GALNT18: variants seen among roughly 807,000 people sequenced by gnomAD.
The protein encoded by GALNT18 is polypeptide N-acetylgalactosaminyltransferase 18, also known as GalNAc-transferase 18.
A neutral mutation model predicts 69.5 loss-of-function variants in GALNT18; 44 were observed. The observed-to-expected ratio is 0.63, with a 90% confidence interval of 0.50 to 0.81. The LOEUF (loss-of-function observed/expected upper bound fraction) is 0.81, where lower values mean the gene tolerates loss of function less well. Among genes scored for constraint, GALNT18 ranks in the 40% least tolerant of loss-of-function variants. GALNT18 has a pLI of 0.00. For missense variants in GALNT18, 715 were observed against 810.0 expected (o/e 0.88, Z 1.42); for synonymous variants, 364 against 318.2 (o/e 1.14, Z -1.53).
chr11:11,377,538 T>C lies in GALNT18; in HGVS notation c.780-159A>G, dbSNP rs749976896. Among the ~76,000 whole-genome samples, 1 of 152,076 alleles carries C rather than the reference T, an allele frequency of 6.6e-6. No individual in the cohort carries two copies. Among genetic ancestry groups the C allele is most frequent in the Non-Finnish European group, 1.5e-5 (1 of 68,010 alleles). ...ACTGCCTTCTGGGAAGGAGCTCCTA[T>C]TCAACTTCCCGCTCCCTGAGGATTG... is the stretch of plus-strand genomic sequence containing the variant. On this transcript the variant is annotated intron_variant, in intron 4 of 10. Coordinates refer to ENST00000227756, the MANE Select transcript of GALNT18 (RefSeq NM_198516.3). The surrounding 1 kb of genome is among the most constrained non-coding windows in gnomAD (Gnocchi z 4.6).
At chr11:11,556,829 T>C (rs1443659301) in intron 1 of GALNT18, among the ~76,000 whole-genome samples, 1 of 152,272 alleles carries the variant, frequency 6.6e-6, no homozygotes, top group African/African-American at 2.4e-5. Flanking sequence ...AGTTCAAATG[T>C]TATGCTCAGT....
At position 11,347,765 on chromosome 11, in the gene GALNT18, T is replaced by C. The variant is rs1367868386; in HGVS notation, c.1093-6761A>G. 1.3e-5 allele frequency among the ~76,000 whole-genome samples: 2 copies of C among 152,198 alleles called. No homozygotes were observed. The highest frequency in any genetic ancestry group is 1.9e-4 in the East Asian group (1 of 5,200). On this transcript the variant is annotated intron_variant, in intron 6 of 10. Coordinates refer to ENST00000227756, the MANE Select transcript of GALNT18 (RefSeq NM_198516.3). The surrounding 1 kb of genome is among the most constrained non-coding windows in gnomAD (Gnocchi z 4.0). Reference sequence around the variant, plus strand: ...CTAATGACTTGTACGACTCATGTGGTCCTTATTTCTTGGCTCATGTGGTTA... The same window carrying C: ...CTAATGACTTGTACGACTCATGTGGCCCTTATTTCTTGGCTCATGTGGTTA...
intron 3 of GALNT18, among the ~76,000 whole-genome samples, chr11:11,424,289 A>G (rs1855078251): frequency 6.6e-6 from 1 of 152,162 alleles, no homozygotes; most frequent in Non-Finnish European, 1.5e-5. Flanking sequence ...GGAGAGAACC[A>G]GAGAGGAGGT....
chr11:11,549,602 C>T (rs969883787), intron 1 of GALNT18, among the ~76,000 whole-genome samples: 1 of 152,230 alleles, frequency 6.6e-6, no homozygotes, highest in Non-Finnish European at 1.5e-5. Flanking sequence ...TCTGGCCTGA[C>T]CTTCCAGTCT....
intron 8 of GALNT18, among the ~76,000 whole-genome samples, chr11:11,331,458 G>C (rs990485201): frequency 4.6e-5 from 7 of 152,194 alleles, no homozygotes; most frequent in Non-Finnish European, 8.8e-5. Flanking sequence ...AGGGAGCACT[G>C]AGCCCAATTT....
At chr11:11,518,975 T>C (rs1327427877) in intron 1 of GALNT18, among the ~76,000 whole-genome samples, 2 of 152,192 alleles carry the variant, frequency 1.3e-5, no homozygotes, top group Non-Finnish European at 1.5e-5. Flanking sequence ...TAAAAGATCA[T>C]GCCAGCCTCC....
chr11:11,460,015 T>C (rs1856006183), intron 1 of GALNT18, among the ~76,000 whole-genome samples: 2 of 152,142 alleles, frequency 1.3e-5, no homozygotes, highest in African/African-American at 4.8e-5. Context: ...CCCACCACAG[T>C]GGGTCAAGTC....
At chr11:11,345,321 C>T (rs1036510847) in intron 6 of GALNT18, among the ~76,000 whole-genome samples, 3 of 152,186 alleles carry the variant, frequency 2.0e-5, no homozygotes, top group Admixed American at 2.0e-4. Flanking sequence ...GGCACTGAAG[C>T]AAACAAGAGA....
intron 9 of GALNT18, among the ~76,000 whole-genome samples, chr11:11,305,562 A>G (rs1172651275): frequency 2.6e-5 from 4 of 152,216 alleles, no homozygotes; most frequent in African/African-American, 9.6e-5. Context: ...CCTCGACTCA[A>G]GTCTCTGCCC....
intron 1 of GALNT18, among the ~76,000 whole-genome samples, chr11:11,476,958 G>T (rs1367698887): frequency 6.6e-6 from 1 of 152,200 alleles, no homozygotes; most frequent in East Asian, 1.9e-4. Context: ...GATTAAGAGG[G>T]TCTATGAAGA....
Position 11,432,426 on chromosome 11 carries a change from C to A in GALNT18, c.595+195G>T, listed in dbSNP as rs1160772393. On this transcript the variant is annotated intron_variant, in intron 3 of 10. Transcript: ENST00000227756. The surrounding 1 kb of genome is among the most constrained non-coding windows in gnomAD (Gnocchi z 5.8). Reference sequence around the variant, plus strand: ...AGGAGAAAAAGCCTAAGGACCAGACCCCTCTGGGATGCAGAGGCCATGCTC... The same window carrying A: ...AGGAGAAAAAGCCTAAGGACCAGACACCTCTGGGATGCAGAGGCCATGCTC... Among the ~76,000 whole-genome samples the A allele has an allele frequency of 6.6e-6, 1 of 152,186 alleles. No individual in the cohort carries two copies. The highest frequency in any genetic ancestry group is 1.5e-5 in the Non-Finnish European group (1 of 68,036).
At chr11:11,420,098 G>T (rs1024476577) in intron 3 of GALNT18, among the ~76,000 whole-genome samples, 1 of 151,886 alleles carries the variant, frequency 6.6e-6, no homozygotes, top group East Asian at 1.9e-4. Flanking sequence ...TCTCCTGAGA[G>T]TCGATTAGGA....
chr11:11,477,034 A>T (rs1260828221), intron 1 of GALNT18, among the ~76,000 whole-genome samples: 1 of 152,150 alleles, frequency 6.6e-6, no homozygotes, highest in Admixed American at 6.5e-5. Flanking sequence ...CCCACCGCAC[A>T]CTTAGTGGGA....
chr11:11,581,707 C>T (rs557863808), intron 1 of GALNT18, among the ~76,000 whole-genome samples: 78 of 152,204 alleles, frequency 5.1e-4, no homozygotes, highest in African/African-American at 1.7e-3. Context: ...AGCTCACAGA[C>T]GAAGAGAAAT....
rs1238920003 is a variant in GALNT18 at position 11,614,512 on chromosome 11, G to C, written c.235+6847C>G. On this transcript the variant is annotated intron_variant, in intron 1 of 10. Transcript: ENST00000227756. This position sits in a 1 kb window ranked among gnomAD's most constrained non-coding sequence, Gnocchi z 5.6. Reference sequence around the variant, plus strand: ...CCATTCATACAAACACCTCCCACTAGGCCCCACCTCAAACACTGGGGACCA... The same window carrying C: ...CCATTCATACAAACACCTCCCACTACGCCCCACCTCAAACACTGGGGACCA... Among the ~76,000 whole-genome samples, 2 of 152,070 alleles carry C rather than the reference G, an allele frequency of 1.3e-5. No homozygotes were observed. The highest frequency in any genetic ancestry group is 3.9e-4 in the East Asian group (2 of 5,194).
Position 11,618,013 on chromosome 11 carries a change from A to T in GALNT18, c.235+3346T>A, listed in dbSNP as rs1860099082. Among the ~76,000 whole-genome samples, 1 of 152,244 alleles carries T rather than the reference A, an allele frequency of 6.6e-6. No individual in the cohort carries two copies. The highest frequency in any genetic ancestry group is 6.5e-5 in the Admixed American group (1 of 15,284). The stretch of plus-strand genomic sequence containing the variant: ...CCCAAAACTGCAATTTACATTCCCA[A>T]GAGATTCCCAAACACCATCTAATTA... On this transcript the variant is annotated intron_variant, in intron 1 of 10. Coordinates refer to ENST00000227756, the MANE Select transcript of GALNT18 (RefSeq NM_198516.3). The surrounding 1 kb of genome is among the most constrained non-coding windows in gnomAD (Gnocchi z 6.1).
rs1393966224 is a variant in GALNT18, at chr11:11,523,926, G to A, written c.236-74990C>T. On this transcript the variant is annotated intron_variant, in intron 1 of 10. Coordinates refer to ENST00000227756, the MANE Select transcript of GALNT18 (RefSeq NM_198516.3). The surrounding 1 kb of genome is among the most constrained non-coding windows in gnomAD (Gnocchi z 4.3). ...CACCCCAAATCTTATTACTTCAGTAGAGGACCCTCTGGGCACTGCCAATAC... is the reference window on the plus strand; with the variant it reads ...CACCCCAAATCTTATTACTTCAGTAAAGGACCCTCTGGGCACTGCCAATAC... Among the ~76,000 whole-genome samples the A allele has an allele frequency of 6.6e-6, 1 of 152,102 alleles. No homozygotes were observed. The highest frequency in any genetic ancestry group is 1.5e-5 in the Non-Finnish European group (1 of 68,018).
rs1244606046 is a variant in GALNT18, at chr11:11,315,286, G to A, written c.1512+11800C>T. The stretch of plus-strand genomic sequence containing the variant: ...ATTCACAGCCAGGTGGACCTAGCAA[G>A]GTCCATTCACTTCCTTTCAGTGGTG... On this transcript the variant is annotated intron_variant, in intron 9 of 10. Transcript: ENST00000227756. This position sits in a 1 kb window ranked among gnomAD's most constrained non-coding sequence, Gnocchi z 5.6. Among the ~76,000 whole-genome samples, 1 of 152,164 alleles carries A rather than the reference G, an allele frequency of 6.6e-6. No homozygotes were observed. Among genetic ancestry groups the A allele is most frequent in the African/African-American group, 2.4e-5 (1 of 41,438 alleles).
Position 11,428,149 on chromosome 11 carries a change from A to C in GALNT18, c.595+4472T>G, listed in dbSNP as rs533629024. Among the ~76,000 whole-genome samples the C allele has an allele frequency of 7.2e-5, 11 of 152,366 alleles. No individual in the cohort carries two copies. The South Asian group carries it at 2.1e-3, about 29-fold the overall frequency. On this transcript the variant is annotated intron_variant, in intron 3 of 10. Coordinates refer to ENST00000227756, the MANE Select transcript of GALNT18 (RefSeq NM_198516.3). ...GATTTGAAAAACATGAAAGTCTTGC[A>C]CTGAGAGGCCCAAGAGAAGCAGCTC... is the stretch of plus-strand genomic sequence containing the variant.
Sources: allele counts gnomAD v4.1 joint callset (sites outside exome capture counted in the v4.1 genomes callset), GRCh38; gene constraint gnomAD v4.1.1; non-coding constraint Gnocchi (gnomAD v3.1); transcripts MANE v1.5; gene names NCBI Gene and HGNC (gene_info 2026-07-23, HGNC 2026-07-21).